Variants in MAST2 observed in about 807,000 individuals in gnomAD.
MAST2 encodes the protein microtubule associated serine/threonine kinase 2, also known as microtubule-associated serine/threonine-protein kinase 2.
A neutral mutation model predicts 147.4 loss-of-function variants in MAST2; 70 were observed. The observed-to-expected ratio is 0.47, with a 90% CI of 0.39 to 0.58. The LOEUF (loss-of-function observed/expected upper bound fraction) is 0.58. Ranked by LOEUF, MAST2 falls within the 20% of genes least tolerant of loss-of-function variation. The pLI, the probability that MAST2 is intolerant of heterozygous loss-of-function variation, is 0.00. For synonymous variants in MAST2, 869 were observed against 896.8 expected (o/e 0.97, Z 0.55); for missense variants, 2,080 against 2,302.3 (o/e 0.90, Z 1.98).
chr1:46,002,291 ACGGCT>A (rs143880185), intron 6 of MAST2, among the ~76,000 whole-genome samples: 1 of 152,178 alleles, frequency 6.6e-6, no homozygotes, highest in African/African-American at 2.4e-5. Flanking sequence ...ATGAGTCCTA[ACGGCT>A]CCTAGGCAGC....
intron 3 of MAST2, among the ~76,000 whole-genome samples, chr1:45,844,827 GA>G (rs1317727897): frequency 1.3e-5 from 2 of 152,124 alleles, no homozygotes; most frequent in Non-Finnish European, 2.9e-5. Flanking sequence ...CAGAATACTC[GA>G]AACTGGGTAA....
chr1:46,011,105 C>T, intron 10 of MAST2, 166 bp downstream of exon 10: 1 of 619,334 alleles, frequency 1.6e-6, no homozygotes, highest in East Asian at 2.7e-5. Flanking sequence ...CAGTCCCCTG[C>T]AATACTGAGA....
intron 3 of MAST2, among the ~76,000 whole-genome samples, chr1:45,874,013 G>T (rs1646501235): frequency 6.6e-6 from 1 of 152,068 alleles, no homozygotes; most frequent in Admixed American, 6.6e-5. Context: ...TAGAGATGGG[G>T]TTTCACCATG....
At chr1:45,962,125 A>G (rs1436147951) in intron 5 of MAST2, among the ~76,000 whole-genome samples, 1 of 152,046 alleles carries the variant, frequency 6.6e-6, no homozygotes, top group Non-Finnish European at 1.5e-5. Context: ...GCTGCATAGT[A>G]TTCCATGGTG....
intron 1 of MAST2, among the ~76,000 whole-genome samples, chr1:45,821,170 G>A (rs1399394872): frequency 6.6e-6 from 1 of 151,922 alleles, no homozygotes; most frequent in South Asian, 2.1e-4. Flanking sequence ...AGAGTGTTGG[G>A]ATTACAGGTG....
intron 4 of MAST2, among the ~76,000 whole-genome samples, chr1:45,910,329 G>A (rs1651484231): frequency 6.6e-6 from 1 of 151,872 alleles, no homozygotes; most frequent in South Asian, 2.1e-4. Flanking sequence ...GTAAAAAATG[G>A]AAGTTTTTTA....
intron 10 of MAST2, among the ~76,000 whole-genome samples, chr1:46,017,738 A>T (rs1417130688): frequency 2.0e-5 from 3 of 152,132 alleles, no homozygotes; most frequent in South Asian, 4.1e-4. Context: ...AACTAGTTCA[A>T]CCATTGTGGA....
At chr1:45,810,234 G>T (rs1356697957) in intron 1 of MAST2, among the ~76,000 whole-genome samples, 1 of 152,150 alleles carries the variant, frequency 6.6e-6, no homozygotes, top group African/African-American at 2.4e-5. Flanking sequence ...TATTTTTGAG[G>T]ATGGCAGAAG....
At chr1:45,923,187 C>G (rs1016265575) in intron 4 of MAST2, among the ~76,000 whole-genome samples, 4 of 152,128 alleles carry the variant, frequency 2.6e-5, no homozygotes, top group African/African-American at 7.2e-5. Flanking sequence ...CAGCCTGGCC[C>G]AATTGTGGCA....
At chr1:45,858,210 C>G (rs1217197298) in intron 3 of MAST2, among the ~76,000 whole-genome samples, 1 of 152,154 alleles carries the variant, frequency 6.6e-6, no homozygotes, top group Non-Finnish European at 1.5e-5. Flanking sequence ...AATGGTTGAA[C>G]TAGTTTACAG....
intron 3 of MAST2, among the ~76,000 whole-genome samples, chr1:45,879,515 G>A (rs1201074008): frequency 7.1e-6 from 1 of 140,930 alleles, no homozygotes; most frequent in Non-Finnish European, 1.5e-5. Context: ...GGAGGTTGCC[G>A]CACGCCGAGA....
At chr1:45,866,982 C>T (rs1044333702) in intron 3 of MAST2, among the ~76,000 whole-genome samples, 5 of 152,082 alleles carry the variant, frequency 3.3e-5, no homozygotes, top group Non-Finnish European at 7.4e-5. Context: ...AACTCCTGAC[C>T]TCAGGTGATC....
chr1:45,838,088 T>A (rs1004025377), intron 3 of MAST2, among the ~76,000 whole-genome samples: 1 of 152,068 alleles, frequency 6.6e-6, no homozygotes, highest in Non-Finnish European at 1.5e-5. Flanking sequence ...TATCATTTTT[T>A]AAATTTTAGC....
At chr1:45,934,760 G>A (rs1486979494) in intron 4 of MAST2, among the ~76,000 whole-genome samples, 2 of 152,120 alleles carry the variant, frequency 1.3e-5, no homozygotes, top group African/African-American at 2.4e-5. Flanking sequence ...GTATTCTGTG[G>A]TATGTGTATA....
intron 5 of MAST2, among the ~76,000 whole-genome samples, chr1:45,990,669 A>G (rs1644823268): frequency 6.6e-6 from 1 of 152,146 alleles, no homozygotes; most frequent in Non-Finnish European, 1.5e-5. Flanking sequence ...AATTTTTTGT[A>G]GAGACAAGAT....
At chr1:45,814,473 GAA>G (rs1439225222) in intron 1 of MAST2, among the ~76,000 whole-genome samples, 3 of 152,084 alleles carry the variant, frequency 2.0e-5, no homozygotes, top group South Asian at 4.1e-4. Context: ...AGTAAAAAAA[GAA>G]AATTTTTTTA....
chr1:46,001,098 T>A, intron 6 of MAST2: 2 of 780,798 alleles, frequency 2.6e-6, no homozygotes, highest in Non-Finnish European at 3.8e-6. Context: ...TGACTGTGGG[T>A]ATGAACATTG....
At chr1:45,908,127 T>A (rs968797729) in intron 4 of MAST2, among the ~76,000 whole-genome samples, 2 of 152,122 alleles carry the variant, frequency 1.3e-5, no homozygotes, top group South Asian at 2.1e-4. Context: ...TTAATTTTTT[T>A]ATTTTCTGTT....
chr1:46,020,629 C>T (rs1646145642), intron 11 of MAST2, among the ~76,000 whole-genome samples: 1 of 152,184 alleles, frequency 6.6e-6, no homozygotes, highest in African/African-American at 2.4e-5. Flanking sequence ...ATCGTGGCCA[C>T]AGCTGACATA....
Sources: gnomAD v4.1 joint callset for allele counts (sites outside exome capture counted in the v4.1 genomes callset) on GRCh38, gnomAD v4.1.1 for gene constraint, MANE v1.5 for transcripts, NCBI Gene and HGNC (gene_info 2026-07-23, HGNC 2026-07-21) for gene names.